CDH18: variants seen among roughly 807,000 people sequenced by gnomAD.
CDH18 encodes cadherin-18.
Under a neutral mutation model 67.9 loss-of-function variants are expected in CDH18, and 31 were observed. The observed-to-expected ratio is 0.46, with a 90% CI of 0.34 to 0.62. The LOEUF (loss-of-function observed/expected upper bound fraction) is 0.62, where lower values mean the gene tolerates loss of function less well. CDH18 is among the 20% of genes least tolerant of loss of function. CDH18 has a pLI of 0.01. For synonymous variants in CDH18, 362 were observed against 347.2 expected (o/e 1.04, Z -0.48); for missense variants, 890 against 975.5 (o/e 0.91, Z 1.17).
chr5:20,416,036 A>T (rs1056662236), intron 1 of CDH18, among the ~76,000 whole-genome samples: 5 of 152,134 alleles, frequency 3.3e-5, no homozygotes, highest in African/African-American at 4.8e-5. Context: ...TCAGTTATGC[A>T]AGATAAGTAC....
intron 5 of CDH18, among the ~76,000 whole-genome samples, chr5:19,646,774 A>G (rs534618986): frequency 1.2e-3 from 190 of 152,346 alleles, no homozygotes; most frequent in African/African-American, 4.5e-3. Context: ...GGAATGAGAG[A>G]GCAATGCTAA....
chr5:19,676,598 A>C (rs2150367947), intron 5 of CDH18, among the ~76,000 whole-genome samples: 1 of 152,162 alleles, frequency 6.6e-6, no homozygotes, highest in Non-Finnish European at 1.5e-5. Flanking sequence ...GGCTTCCAAT[A>C]AAATCTCAGG....
At chr5:20,231,382 G>A (rs185953197) in intron 2 of CDH18, among the ~76,000 whole-genome samples, 1 of 152,042 alleles carries the variant, frequency 6.6e-6, no homozygotes, top group Non-Finnish European at 1.5e-5. Context: ...GGCTGAGGAG[G>A]GCAGATCACC....
At chr5:19,928,466 T>C (rs1793322960) in intron 2 of CDH18, among the ~76,000 whole-genome samples, 1 of 152,108 alleles carries the variant, frequency 6.6e-6, no homozygotes, top group Non-Finnish European at 1.5e-5. Flanking sequence ...AGTCACCAAA[T>C]ATGTATAAAT....
intron 5 of CDH18, among the ~76,000 whole-genome samples, chr5:19,630,093 T>C (rs1362940095): frequency 1.3e-5 from 2 of 151,994 alleles, no homozygotes; most frequent in Admixed American, 6.6e-5. Flanking sequence ...CCCTTCACCA[T>C]GACCGGCTAA....
At chr5:19,921,271 C>T (rs1171328428) in intron 2 of CDH18, among the ~76,000 whole-genome samples, 1 of 152,112 alleles carries the variant, frequency 6.6e-6, no homozygotes. Flanking sequence ...GTGGCTCACA[C>T]CTGTAATCCC....
At chr5:19,967,253 A>G (rs1797539774) in intron 2 of CDH18, among the ~76,000 whole-genome samples, 1 of 152,096 alleles carries the variant, frequency 6.6e-6, no homozygotes, top group Non-Finnish European at 1.5e-5. Context: ...AATGAAAAAA[A>G]TAGAAACAGA....
intron 1 of CDH18, among the ~76,000 whole-genome samples, chr5:20,469,468 T>A (rs1751896876): frequency 6.6e-6 from 1 of 152,188 alleles, no homozygotes; most frequent in Admixed American, 6.5e-5. Flanking sequence ...TATACTGTGC[T>A]GAAATGAAGT....
In CDH18 at chr5:19,472,626, CA is replaced by C. The variant is rs1009550887; in HGVS notation, c.*599del. ...CAGGCAGCAAATCCCCATGCTCCAT[CA>C]GTTTTGTATGGAGAAAAGAACTGGG... On this transcript the variant is annotated 3_prime_UTR_variant, in exon 13 of 13. Coordinates refer to ENST00000382275, the MANE Select transcript of CDH18 (RefSeq NM_004934.5). Among the ~76,000 whole-genome samples, 14 of 152,060 alleles carry C rather than the reference CA, an allele frequency of 9.2e-5. No individual in the cohort carries two copies. The highest frequency in any genetic ancestry group is 3.4e-4 in the African/African-American group (14 of 41,424).
chr5:20,326,770 T>C (rs1218125349), intron 1 of CDH18, among the ~76,000 whole-genome samples: 3 of 152,188 alleles, frequency 2.0e-5, no homozygotes, highest in Admixed American at 2.0e-4. Context: ...CTCGATCTCC[T>C]GACCTTGTGA....
chr5:20,272,562 G>A (rs1361848691), intron 1 of CDH18, among the ~76,000 whole-genome samples: 9 of 151,818 alleles, frequency 5.9e-5, no homozygotes, highest in African/African-American at 2.2e-4. Context: ...TTTTTTTGGA[G>A]TGAGACTAAA....
intron 2 of CDH18, among the ~76,000 whole-genome samples, chr5:20,174,741 C>T (rs1296880170): frequency 6.6e-6 from 1 of 151,848 alleles, no homozygotes; most frequent in East Asian, 1.9e-4. Context: ...AATATGATCC[C>T]ATTATAATAA....
intron 3 of CDH18, among the ~76,000 whole-genome samples, chr5:19,774,664 A>C (rs1774112080): frequency 6.6e-6 from 1 of 150,670 alleles, no homozygotes; most frequent in Non-Finnish European, 1.5e-5. Flanking sequence ...TCCACTAAAA[A>C]TACAAAAATT....
At chr5:20,222,043 G>C (rs931326560) in intron 2 of CDH18, among the ~76,000 whole-genome samples, 2 of 152,200 alleles carry the variant, frequency 1.3e-5, no homozygotes, top group African/African-American at 2.4e-5. Flanking sequence ...CACAAGAGTT[G>C]CTCTTCCCTG....
chr5:19,885,224 C>T (rs1788071552), intron 2 of CDH18, among the ~76,000 whole-genome samples: 1 of 152,162 alleles, frequency 6.6e-6, no homozygotes, highest in Non-Finnish European at 1.5e-5. Context: ...GTGACTTAAT[C>T]TCTAAAACCT....
intron 3 of CDH18, among the ~76,000 whole-genome samples, chr5:19,831,508 T>C (rs1018349917): frequency 1.3e-5 from 2 of 151,946 alleles, no homozygotes; most frequent in African/African-American, 4.8e-5. Flanking sequence ...AAAATATTTA[T>C]CACCACTAAT....
chr5:20,325,024 C>G (rs1193574540), intron 1 of CDH18, among the ~76,000 whole-genome samples: 2 of 152,110 alleles, frequency 1.3e-5, no homozygotes, highest in African/African-American at 4.8e-5. Flanking sequence ...TCTCTGAGCC[C>G]AAGCTTGCTT....
At position 20,179,135 on chromosome 5, in the gene CDH18, A is replaced by C. The variant is rs552900024; in HGVS notation, c.-518+76309T>G. On this transcript the variant is annotated intron_variant, in intron 2 of 14. Coordinates refer to the CDH18 transcript ENST00000507958. ...GTTAGAGGAAAGTGAATTTTTAATT[A>C]TAGTAAAGACAAAATAATAATATTA... Among the ~76,000 whole-genome samples the C allele has an allele frequency of 2.3e-4, 35 of 152,304 alleles. No homozygotes were observed. In the East Asian group the frequency reaches 5.6e-3, roughly 24 times the overall value.
chr5:19,638,686 T>C (rs2150212849), intron 5 of CDH18, among the ~76,000 whole-genome samples: 1 of 151,594 alleles, frequency 6.6e-6, no homozygotes, highest in South Asian at 2.1e-4. Flanking sequence ...TATCCAGCCA[T>C]CCATGAATGA....
Sources: gnomAD v4.1 joint callset for allele counts (sites outside exome capture counted in the v4.1 genomes callset) on GRCh38, gnomAD v4.1.1 for gene constraint, MANE v1.5 for transcripts, NCBI Gene and HGNC (gene_info 2026-07-23, HGNC 2026-07-21) for gene names.